The following PPP1R12A variants were observed in gnomAD, a reference collection of about 807,000 sequenced individuals.
The protein encoded by PPP1R12A is protein phosphatase 1 regulatory subunit 12A.
PPP1R12A carries 19 observed loss-of-function variants against 139.6 expected under a neutral mutation model. The ratio of observed to expected loss-of-function variants is 0.14; its 90% CI spans 0.09 to 0.20. The LOEUF is 0.20. Ranked by LOEUF, PPP1R12A falls within the 10% of genes least tolerant of loss-of-function variation. The probability of loss-of-function intolerance (pLI) is 1.00; values close to 1 mark genes in which losing one functional copy is unlikely to be tolerated. For missense variants in PPP1R12A, 925 were observed against 1,211.5 expected, an observed-to-expected ratio of 0.76 and a Z score of 3.51; for synonymous variants, 427 against 420.6, an observed-to-expected ratio of 1.02 and a Z score of -0.19.
chr12:79,850,345 TTAGA>T (rs1319929973), intron 2 of PPP1R12A, among the ~76,000 whole-genome samples: 3 of 152,176 alleles, frequency 2.0e-5, no homozygotes, highest in Admixed American at 6.5e-5. Context: ...ATATGGTATA[TTAGA>T]TAAACAGGTG....
At chr12:79,845,169 C>G in intron 3 of PPP1R12A, 133 bp downstream of exon 3, 1 of 666,438 alleles carries the variant, frequency 1.5e-6, no homozygotes, top group Non-Finnish European at 2.6e-6. Flanking sequence ...ACATACTGTA[C>G]TATTGTTTTG....
intron 1 of PPP1R12A, chr12:79,913,892 T>C (rs1283069249): frequency 6.6e-6 from 1 of 152,194 alleles, no homozygotes; most frequent in Non-Finnish European, 1.5e-5. Context: ...AATACTCTCA[T>C]TCTCTTACAA....
chr12:79,874,170 A>G (rs893953597), intron 1 of PPP1R12A, among the ~76,000 whole-genome samples: 1 of 151,882 alleles, frequency 6.6e-6, no homozygotes. Context: ...GCTACTCGGG[A>G]GGCTGAGGCA....
At chr12:79,790,084 T>A (rs974172999) in intron 20 of PPP1R12A, among the ~76,000 whole-genome samples, 2 of 152,044 alleles carry the variant, frequency 1.3e-5, no homozygotes, top group African/African-American at 4.8e-5. Context: ...GATGACACTT[T>A]TTTAAAAGTG....
rs1869509300 is a variant in PPP1R12A, at chr12:79,774,203, C to T, written c.*1726G>A. ...TACCATTCATACAGTTCAAATATAA[C>T]CAAAAATAAAACTCCCACAACTATC... On this transcript the variant is annotated 3_prime_UTR_variant, in exon 25 of 25. Transcript: ENST00000450142. The T allele has an allele frequency of 6.6e-6, 1 of 152,020 alleles. No homozygotes were observed. The highest frequency in any genetic ancestry group is 2.4e-5 in the African/African-American group (1 of 41,418). 9.4% of individuals were successfully genotyped at this position (152,020 alleles called of 1,614,324 possible). A position where few individuals can be genotyped will look rare whatever the true frequency, so the allele number is the denominator to read the frequency against.
chr12:79,819,221 TA>T (rs1239634684), intron 8 of PPP1R12A: 8 of 152,224 alleles, frequency 5.3e-5, no homozygotes, highest in Admixed American at 2.6e-4. Flanking sequence ...TTATATTTAA[TA>T]GAATACTAGA....
At chr12:79,883,159 C>T (rs536544325) in intron 1 of PPP1R12A, among the ~76,000 whole-genome samples, 7 of 151,616 alleles carry the variant, frequency 4.6e-5, no homozygotes, top group Non-Finnish European at 8.8e-5. Context: ...CAAAACAAAA[C>T]AAAAAAAACC....
intron 1 of PPP1R12A, among the ~76,000 whole-genome samples, chr12:79,916,690 A>C (rs1421486398): frequency 6.6e-6 from 1 of 152,190 alleles, no homozygotes; most frequent in Admixed American, 6.5e-5. Flanking sequence ...GGTGTTCATC[A>C]CATCGTCAAG....
chr12:79,799,948 C>A (rs1257293225), intron 14 of PPP1R12A, among the ~76,000 whole-genome samples: 1 of 151,860 alleles, frequency 6.6e-6, no homozygotes, highest in Non-Finnish European at 1.5e-5. Context: ...ATCAAGGCTG[C>A]AGTGAGCTGA....
At chr12:79,795,337 A>T (rs1872390427) in intron 18 of PPP1R12A, among the ~76,000 whole-genome samples, 4 of 152,114 alleles carry the variant, frequency 2.6e-5, no homozygotes, top group African/African-American at 9.7e-5. Context: ...TTCTTAAAAG[A>T]TGTTTTTACA....
At chr12:79,848,550 T>C (rs182428253) in intron 2 of PPP1R12A, among the ~76,000 whole-genome samples, 22 of 152,212 alleles carry the variant, frequency 1.4e-4, no homozygotes, top group African/African-American at 5.3e-4. Context: ...ACAGGAAGGA[T>C]GTTAAGAGAA....
intron 9 of PPP1R12A, among the ~76,000 whole-genome samples, chr12:79,813,129 T>TGC (rs1177786539): frequency 1.6e-4 from 24 of 152,350 alleles, no homozygotes; most frequent in African/African-American, 5.8e-4. Context: ...AGTGTTATCC[T>TGC]ACAGTTGAAG....
chr12:79,851,253 T>G (rs1160567652), intron 2 of PPP1R12A, among the ~76,000 whole-genome samples: 2 of 152,192 alleles, frequency 1.3e-5, no homozygotes, highest in Non-Finnish European at 2.9e-5. Flanking sequence ...GCTATTTTCA[T>G]TAGCAAGTCT....
chr12:79,828,721 G>A (rs1877078046), intron 4 of PPP1R12A, among the ~76,000 whole-genome samples: 1 of 152,048 alleles, frequency 6.6e-6, no homozygotes, highest in Non-Finnish European at 1.5e-5. Context: ...TTATGGTTTG[G>A]TGTGACACTG....
chr12:79,814,849 T>C (rs892585442), intron 9 of PPP1R12A, among the ~76,000 whole-genome samples: 3 of 137,168 alleles, frequency 2.2e-5, no homozygotes, highest in African/African-American at 8.2e-5. Context: ...AAATTCAAAA[T>C]TTTTACACAT....
intron 5 of PPP1R12A, among the ~76,000 whole-genome samples, chr12:79,822,596 A>AT (rs1299764120): frequency 1.3e-5 from 2 of 152,154 alleles, no homozygotes; most frequent in African/African-American, 2.4e-5. Flanking sequence ...GGCAACCACT[A>AT]ATCTACTTTC....
chr12:79,863,304 G>T (rs1382532425), intron 2 of PPP1R12A, among the ~76,000 whole-genome samples: 1 of 152,102 alleles, frequency 6.6e-6, no homozygotes, highest in East Asian at 1.9e-4. Flanking sequence ...CCTTACAAGA[G>T]CTCCTGAAGG....
intron 1 of PPP1R12A, among the ~76,000 whole-genome samples, chr12:79,897,678 C>A (rs1444000830): frequency 6.6e-6 from 1 of 152,174 alleles, no homozygotes; most frequent in Non-Finnish European, 1.5e-5. Flanking sequence ...GACCTTAGAA[C>A]TCTGAAATTC....
intron 2 of PPP1R12A, among the ~76,000 whole-genome samples, chr12:79,850,454 A>G (rs1879910418): frequency 6.6e-6 from 1 of 152,236 alleles, no homozygotes; most frequent in African/African-American, 2.4e-5. Context: ...GCAAATATTT[A>G]AGAAAAGGAA....
Sources: gnomAD v4.1 joint callset for allele counts (sites outside exome capture counted in the v4.1 genomes callset) on GRCh38, gnomAD v4.1.1 for gene constraint, MANE v1.5 for transcripts, NCBI Gene and HGNC (gene_info 2026-07-23, HGNC 2026-07-21) for gene names.